The following PDE3A variants were observed in gnomAD, a reference collection of about 807,000 sequenced individuals.
The protein encoded by PDE3A is phosphodiesterase 3A.
PDE3A carries 43 observed loss-of-function variants against 98.3 expected under a neutral mutation model. That is an observed-to-expected ratio of 0.44 (90% confidence interval 0.34 to 0.56). The LOEUF (loss-of-function observed/expected upper bound fraction) is 0.56. Ranked by LOEUF, PDE3A falls within the 20% of genes least tolerant of loss-of-function variation. The pLI is 0.01. For missense variants in PDE3A, 1,427 were observed against 1,440.7 expected (o/e 0.99, Z 0.15); for synonymous variants, 663 against 567.9 (o/e 1.17, Z -2.38).
chr12:20,601,230 T>TTTTG (rs72133519), intron 2 of PDE3A, among the ~76,000 whole-genome samples: 1,996 of 151,424 alleles, frequency 0.013, 32 homozygotes, highest in African/African-American at 0.038. Flanking sequence ...CTCCAAGGCT[T>TTTTG]TTTGTTTGTT....
At chr12:20,497,285 C>G (rs1330575509) in intron 1 of PDE3A, among the ~76,000 whole-genome samples, 2 of 151,798 alleles carry the variant, frequency 1.3e-5, no homozygotes, top group South Asian at 2.1e-4. Flanking sequence ...ATGTATATAA[C>G]AGATAGTAAT....
At chr12:20,401,282 T>G (rs1182193988) in intron 1 of PDE3A, among the ~76,000 whole-genome samples, 2 of 152,226 alleles carry the variant, frequency 1.3e-5, no homozygotes, top group Admixed American at 6.5e-5. Context: ...CTTCTTGATG[T>G]ACAGCTCTAA....
At chr12:20,392,225 A>T (rs1943930214) in intron 1 of PDE3A, among the ~76,000 whole-genome samples, 1 of 152,052 alleles carries the variant, frequency 6.6e-6, no homozygotes, top group Non-Finnish European at 1.5e-5. Context: ...CAATGCAAAT[A>T]GGAAGATAAC....
At position 20,560,732 on chromosome 12, in the gene PDE3A, C is replaced by A. The variant is rs543570263; in HGVS notation, c.1011+4022C>A. On this transcript the variant is annotated intron_variant, in intron 2 of 15. Coordinates refer to ENST00000359062, the MANE Select transcript of PDE3A (RefSeq NM_000921.5). Reference sequence around the variant, plus strand: ...AAGAATTAGTGTGGAAAAGAAAACACTGAAAATTCTCAATAGTGAGCTGAT... The same window carrying A: ...AAGAATTAGTGTGGAAAAGAAAACAATGAAAATTCTCAATAGTGAGCTGAT... Among the ~76,000 whole-genome samples the A allele has an allele frequency of 1.4e-4, 21 of 152,200 alleles. No homozygotes were observed. The East Asian group carries it at 3.9e-3, about 28-fold the overall frequency.
At chr12:20,411,065 A>G (rs775284845) in intron 1 of PDE3A, among the ~76,000 whole-genome samples, 3 of 152,186 alleles carry the variant, frequency 2.0e-5, no homozygotes, top group Non-Finnish European at 2.9e-5. Flanking sequence ...GTGACCAAAG[A>G]GAGTAATTTG....
At chr12:20,431,019 T>TA (rs1002236127) in intron 1 of PDE3A, among the ~76,000 whole-genome samples, 1 of 152,160 alleles carries the variant, frequency 6.6e-6, no homozygotes, top group Non-Finnish European at 1.5e-5. Context: ...GGAAGATTTT[T>TA]AAAAAATCTC....
chr12:20,618,033 A>T (rs1047778664), intron 4 of PDE3A, among the ~76,000 whole-genome samples: 12 of 152,148 alleles, frequency 7.9e-5, no homozygotes, highest in African/African-American at 2.2e-4. Context: ...ATTCATTCTC[A>T]TTCTCTCATT....
Position 20,648,764 on chromosome 12 carries a change from C to A in PDE3A, c.2642C>A (p.Pro881Gln). 6.2e-7 allele frequency: 1 copy of A among 1,612,592 alleles called. No individual in the cohort carries two copies. Among genetic ancestry groups the A allele is most frequent in the South Asian group, 1.1e-5 (1 of 91,054 alleles). Residue 881 changes from proline to glutamine, a missense_variant, in exon 13 of 16, where the codon CCA becomes CAA. Coordinates refer to ENST00000359062, the MANE Select transcript of PDE3A (RefSeq NM_000921.5). ...AAAWNLFMSR[P>Q]EYNFLINLDH... ...GCATGGAATCTTTTCATGTCCCGGC[C>A]AGAGTATAACTTCTTAATTAACCTT...
chr12:20,583,602 A>G (rs1228338908), intron 2 of PDE3A, among the ~76,000 whole-genome samples: 2 of 152,194 alleles, frequency 1.3e-5, no homozygotes, highest in African/African-American at 4.8e-5. Flanking sequence ...CTTAAACTCT[A>G]TGAGCTAATC....
intron 1 of PDE3A, among the ~76,000 whole-genome samples, chr12:20,547,943 C>G (rs1413056346): frequency 6.6e-6 from 1 of 152,044 alleles, no homozygotes; most frequent in Non-Finnish European, 1.5e-5. Flanking sequence ...CTTTGCTTCT[C>G]CTGTGAACTT....
rs565608258 is a variant in PDE3A, at chr12:20,448,481, A to G, written c.960+78237A>G. On this transcript the variant is annotated intron_variant, in intron 1 of 15. Coordinates refer to ENST00000359062, the MANE Select transcript of PDE3A (RefSeq NM_000921.5). ...AGTGAAGAGGACAATATTGTAACCT[A>G]CAAAAATTCTGTGGTAGGTATGTTA... Among the ~76,000 whole-genome samples the G allele has an allele frequency of 1.2e-3, 182 of 152,304 alleles. 1 individual carries two copies. In the Middle Eastern group the frequency reaches 0.027, roughly 23 times the overall value.
chr12:20,635,156 C>T (rs1313260600), intron 8 of PDE3A, 100 bp downstream of exon 8: 7 of 1,091,858 alleles, frequency 6.4e-6, no homozygotes, highest in South Asian at 1.5e-5. Context: ...CAAGGTGGCT[C>T]ACACCTGTAA....
rs886256870 is a variant in PDE3A at position 20,552,023 on chromosome 12, G to T, written c.961-4637G>T. The T allele has an allele frequency of 2.9e-5, 47 of 1,612,354 alleles. No individual in the cohort carries two copies. The highest frequency in any genetic ancestry group is 3.6e-5 in the Non-Finnish European group (42 of 1,179,910). ...GCGTACTCCCTAGTCCTGGCGGGGGGCTACGAGGATGACGTGGACCATGGG... is the reference window on the plus strand; with the variant it reads ...GCGTACTCCCTAGTCCTGGCGGGGGTCTACGAGGATGACGTGGACCATGGG... On this transcript the variant is annotated intron_variant, in intron 1 of 15. Coordinates refer to ENST00000359062, the MANE Select transcript of PDE3A (RefSeq NM_000921.5). This position sits in a 1 kb window ranked among gnomAD's most constrained non-coding sequence, Gnocchi z 5.1.
chr12:20,413,229 T>C (rs1368010342), intron 1 of PDE3A, among the ~76,000 whole-genome samples: 4 of 152,186 alleles, frequency 2.6e-5, no homozygotes, highest in Non-Finnish European at 5.9e-5. Flanking sequence ...GACTTGAAAG[T>C]TGAGCAGGAG....
Position 20,654,178 on chromosome 12 carries a change from G to A in PDE3A, c.3157G>A (p.Glu1053Lys), listed in dbSNP as rs1457440066. The change falls in exon 15 of 16, where the codon GAA becomes AAA. Residue 1053 changes from glutamate to lysine, a missense_variant. Around this residue, in one of 3 missense-constraint regions of PDE3A, gnomAD observed 142 missense variants for 133.9 expected, o/e 1.06. Transcript: ENST00000359062. ...AGAAGCACCAGCACCAAATGAAGAG[G>A]AAACCTGTGAAAATAATGAATCTCC... ...EEEAPAPNEE[E>K]TCENNESPKK... The A allele has an allele frequency of 4.3e-6, 7 of 1,613,950 alleles. No individual in the cohort carries two copies. The highest frequency in any genetic ancestry group is 4.0e-5 in the African/African-American group (3 of 74,902).
chr12:20,616,239 A>G lies in PDE3A; in HGVS notation c.1279A>G (p.Arg427Gly), dbSNP rs1353318956. Reference sequence around the variant, plus strand: ...CAAGTCTCTTTCCTAGCGCCTGAGAAGGAGTTTGCCTCCTGGCTTGTTGAG... The same window carrying G: ...CAAGTCTCTTTCCTAGCGCCTGAGAGGGAGTTTGCCTCCTGGCTTGTTGAG... ...DKLAIPKRLRRSLPPGLLRRV... is the reference protein window; with the variant it reads ...DKLAIPKRLRGSLPPGLLRRV... Residue 427 changes from arginine to glycine, a missense_variant, in exon 4 of 16, where the codon AGG becomes GGG. This residue lies in a region of PDE3A where 1,012 missense variants were observed against 886.5 expected (regional missense o/e 1.14). Transcript: ENST00000359062. The G allele has an allele frequency of 6.2e-6, 10 of 1,613,882 alleles. No homozygotes were observed. The highest frequency in any genetic ancestry group is 2.2e-5 in the South Asian group (2 of 91,066).
chr12:20,592,190 T>A (rs1943354245), intron 2 of PDE3A, among the ~76,000 whole-genome samples: 1 of 151,762 alleles, frequency 6.6e-6, no homozygotes, highest in African/African-American at 2.4e-5. Context: ...TTAAGGGGAA[T>A]TTTTTTTAAC....
At chr12:20,631,700 A>ATTTTTTTTTTTTT (rs58133440) in intron 6 of PDE3A, among the ~76,000 whole-genome samples, 21 of 116,852 alleles carry the variant, frequency 1.8e-4, no homozygotes, top group East Asian at 3.0e-4. Context: ...ATCATAGTGT[A>ATTTTTTTTTTTTT]TTTTTTTTTT....
intron 15 of PDE3A, among the ~76,000 whole-genome samples, chr12:20,677,891 A>G (rs186614906): frequency 7.4e-4 from 112 of 151,384 alleles, no homozygotes; most frequent in African/African-American, 2.5e-3. Flanking sequence ...AGTAGTATCT[A>G]TGATTCCTTC....
Sources: allele counts gnomAD v4.1 joint callset (sites outside exome capture counted in the v4.1 genomes callset), GRCh38; gene constraint gnomAD v4.1.1; regional missense constraint gnomAD v4.1.1; non-coding constraint Gnocchi (gnomAD v3.1); transcripts MANE v1.5; gene names NCBI Gene and HGNC (gene_info 2026-07-23, HGNC 2026-07-21).